LPCAT2: variants seen among roughly 807,000 people sequenced by gnomAD.
LPCAT2 encodes 1-AGP acyltransferase 11.
In LPCAT2, 58 loss-of-function variants were observed where a neutral mutation model predicts 64.7. The ratio of observed to expected loss-of-function variants is 0.90; its 90% confidence interval spans 0.73 to 1.12. The LOEUF is 1.12. LPCAT2 is among the 50% of genes most tolerant of loss of function. The pLI is 0.00. For synonymous variants in LPCAT2, 252 were observed against 245.3 expected (o/e 1.03, Z -0.26); for missense variants, 579 against 669.8 (o/e 0.86, Z 1.50).
intron 11 of LPCAT2, among the ~76,000 whole-genome samples, chr16:55,561,370 C>CTTTT (rs3996858): frequency 1.0e-4 from 14 of 139,836 alleles, no homozygotes; most frequent in South Asian, 2.2e-4. Flanking sequence ...CCCTCCTATA[C>CTTTT]TTTTTTTTTT....
intron 1 of LPCAT2, among the ~76,000 whole-genome samples, chr16:55,520,569 A>C (rs1449445352): frequency 6.6e-6 from 1 of 152,002 alleles, no homozygotes; most frequent in Non-Finnish European, 1.5e-5. Flanking sequence ...ATATAATTTC[A>C]AGTACACATT....
chr16:55,527,385 C>T (rs1490121180), intron 2 of LPCAT2, among the ~76,000 whole-genome samples: 3 of 149,360 alleles, frequency 2.0e-5, no homozygotes, highest in African/African-American at 7.4e-5. Context: ...GAGACTGAGG[C>T]AGGAGAATCG....
chr16:55,550,961 T>C lies in LPCAT2; in HGVS notation c.1074T>C (p.Asp358=). ...KISRKLKLDW[D]GVRKHLDEYA... Reference sequence around the variant, plus strand: ...TTTGTTTGTTTAGATTAGATTGGGATGGTGTTCGTAAGCATTTGGATGAAT... The same window carrying C: ...TTTGTTTGTTTAGATTAGATTGGGACGGTGTTCGTAAGCATTTGGATGAAT... Residue 358 remains aspartate, a synonymous_variant, in exon 11 of 14, where the codon GAT becomes GAC. Coordinates refer to ENST00000262134, the MANE Select transcript of LPCAT2 (RefSeq NM_017839.5). 6.2e-7 allele frequency: 1 copy of C among 1,600,034 alleles called. No homozygotes were observed. Among genetic ancestry groups the C allele is most frequent in the Non-Finnish European group, 8.5e-7 (1 of 1,170,586 alleles).
At chr16:55,574,553 C>A in intron 11 of LPCAT2, 78 bp from the exon 12 acceptor site, 1 of 1,000,360 alleles carries the variant, frequency 1.0e-6, no homozygotes, top group East Asian at 2.4e-5. Context: ...TAAGACATAC[C>A]TGAATTTTAC....
chr16:55,556,344 A>C (rs1596876666), intron 11 of LPCAT2, among the ~76,000 whole-genome samples: 1 of 152,200 alleles, frequency 6.6e-6, no homozygotes, highest in African/African-American at 2.4e-5. Context: ...GGGACATGAA[A>C]CAGGGACAAA....
chr16:55,541,324 G>C (rs1265407348), intron 8 of LPCAT2: 1 of 151,840 alleles, frequency 6.6e-6, no homozygotes, highest in East Asian at 1.9e-4. Flanking sequence ...TCTGATTTAG[G>C]GAAAGATTGC....
At chr16:55,545,898 T>C in intron 9 of LPCAT2, 81 bp downstream of exon 9, 1 of 1,111,450 alleles carries the variant, frequency 9.0e-7, no homozygotes, top group Non-Finnish European at 1.3e-6. Context: ...TTAAGGATTT[T>C]TTTTTGACCC....
intron 11 of LPCAT2, chr16:55,567,547 GAA>G (rs760769202): frequency 4.8e-5 from 75 of 1,576,966 alleles, no homozygotes; most frequent in Non-Finnish European, 6.5e-5. Context: ...GGACAGGACT[GAA>G]AACCTTGCCA....
At chr16:55,517,482 A>G (rs1447335757) in intron 1 of LPCAT2, among the ~76,000 whole-genome samples, 6 of 152,124 alleles carry the variant, frequency 3.9e-5, no homozygotes, top group East Asian at 3.9e-4. Flanking sequence ...GCACTCCCCA[A>G]CTCATTCTGT....
At chr16:55,540,976 A>AT (rs1160854757) in intron 8 of LPCAT2, 1 of 152,450 alleles carries the variant, frequency 6.6e-6, no homozygotes, top group East Asian at 1.9e-4. Context: ...TCATTGTACT[A>AT]TATTCATCCC....
chr16:55,542,040 TTCC>T, intron 8 of LPCAT2: 1 of 1,035,598 alleles, frequency 9.7e-7, no homozygotes, highest in Admixed American at 3.8e-5. Flanking sequence ...TTCTTCAATC[TTCC>T]TCATCATTTT....
chr16:55,566,879 T>TG (rs1483600898), intron 11 of LPCAT2: 1 of 1,613,810 alleles, frequency 6.2e-7, no homozygotes, highest in East Asian at 2.2e-5. Context: ...GAGGGATAGT[T>TG]GGAGGAATTG....
rs1320407799 is a variant in LPCAT2, at chr16:55,509,139, C to T, written c.-43C>T. Reference sequence around the variant, plus strand: ...CTTCGGCTCAGTTTTGGCTGCAGCGCCCGCGTAGATCGCTTCGGCCGGGTT... The same window carrying T: ...CTTCGGCTCAGTTTTGGCTGCAGCGTCCGCGTAGATCGCTTCGGCCGGGTT... On this transcript the variant is annotated 5_prime_UTR_variant, in exon 1 of 14. Transcript: ENST00000262134. 1 of 1,301,184 alleles carries T rather than the reference C, an allele frequency of 7.7e-7. No homozygotes were observed. Among genetic ancestry groups the T allele is most frequent in the East Asian group, 3.1e-5 (1 of 32,170 alleles). The allele number at this position is 1,301,184 out of a possible 1,614,324, so 80.6% of individuals were successfully genotyped here.
intron 13 of LPCAT2, 112 bp downstream of exon 13, chr16:55,579,356 A>G: frequency 9.8e-7 from 1 of 1,016,238 alleles, no homozygotes; most frequent in Non-Finnish European, 1.4e-6. Flanking sequence ...AATAGACATA[A>G]TAGTAATATT....
At chr16:55,532,057 C>T in intron 5 of LPCAT2, 83 bp downstream of exon 5, 1 of 891,390 alleles carries the variant, frequency 1.1e-6, no homozygotes, top group Non-Finnish European at 1.9e-6. Flanking sequence ...CAAAATAACT[C>T]TTTAGCTTGC....
Position 55,583,342 on chromosome 16 carries a change from A to C in LPCAT2, c.*244A>C. 1 of 347,814 alleles carries C rather than the reference A, an allele frequency of 2.9e-6. No individual in the cohort carries two copies. The highest frequency in any genetic ancestry group is 5.3e-6 in the Non-Finnish European group (1 of 189,650). 21.5% of individuals were successfully genotyped at this position (347,814 alleles called of 1,614,324 possible). A position where few individuals can be genotyped will look rare whatever the true frequency, so the allele number is the denominator to read the frequency against. Reference sequence around the variant, plus strand: ...ACTGATTCATTTACTGGTGATACATATGTTTTTATGGATTTTCCAGTTTAA... The same window carrying C: ...ACTGATTCATTTACTGGTGATACATCTGTTTTTATGGATTTTCCAGTTTAA... On this transcript the variant is annotated 3_prime_UTR_variant, in exon 14 of 14. Coordinates refer to ENST00000262134, the MANE Select transcript of LPCAT2 (RefSeq NM_017839.5).
chr16:55,539,040 T>C (rs1200916977), intron 8 of LPCAT2: 3 of 152,136 alleles, frequency 2.0e-5, no homozygotes, highest in East Asian at 3.9e-4. Flanking sequence ...CATGCTATCT[T>C]CTCTGCAAGA....
At chr16:55,566,085 G>T (rs1402650925) in intron 11 of LPCAT2, among the ~76,000 whole-genome samples, 1 of 152,104 alleles carries the variant, frequency 6.6e-6, no homozygotes, top group Non-Finnish European at 1.5e-5. Flanking sequence ...CTATCCATTT[G>T]TGATTTATAT....
intron 1 of LPCAT2, among the ~76,000 whole-genome samples, chr16:55,518,988 TA>T (rs1963053444): frequency 6.6e-6 from 1 of 152,144 alleles, no homozygotes. Flanking sequence ...ATTGAAAAGA[TA>T]ACTTACCAAA....
Sources: allele counts gnomAD v4.1 joint callset (sites outside exome capture counted in the v4.1 genomes callset), GRCh38; gene constraint gnomAD v4.1.1; transcripts MANE v1.5; gene names NCBI Gene and HGNC (gene_info 2026-07-23, HGNC 2026-07-21).